The following PCDH15 variants were observed in gnomAD, a reference collection of about 807,000 sequenced individuals.
PCDH15 encodes protocadherin-15.
Under a neutral mutation model 178.5 loss-of-function variants are expected in PCDH15, and 129 were observed. The observed-to-expected ratio is 0.72, with a 90% CI of 0.63 to 0.84. The LOEUF (loss-of-function observed/expected upper bound fraction) is 0.84. Among genes scored for constraint, PCDH15 ranks in the 40% least tolerant of loss-of-function variants. The pLI, the probability that PCDH15 is intolerant of heterozygous loss-of-function variation, is 0.00. For missense variants in PCDH15, 2,230 were observed against 2,099.9 expected, an observed-to-expected ratio of 1.06 and a Z score of -1.21; for synonymous variants, 800 against 732.0, an observed-to-expected ratio of 1.09 and a Z score of -1.50.
At chr10:54,180,865 C>T (rs1321709884) in intron 13 of PCDH15, among the ~76,000 whole-genome samples, 1 of 152,114 alleles carries the variant, frequency 6.6e-6, no homozygotes, top group Non-Finnish European at 1.5e-5. Context: ...TCATAATCTG[C>T]ATAGTTCAGG....
intron 2 of PCDH15, among the ~76,000 whole-genome samples, chr10:54,971,801 T>G (rs574819131): frequency 6.6e-6 from 1 of 152,336 alleles, no homozygotes; most frequent in Non-Finnish European, 1.5e-5. Flanking sequence ...GAACTAAATA[T>G]TCCCATACGT....
At chr10:54,494,331 C>A (rs1243051972) in intron 3 of PCDH15, among the ~76,000 whole-genome samples, 1 of 152,094 alleles carries the variant, frequency 6.6e-6, no homozygotes, top group East Asian at 1.9e-4. Context: ...TTAGATAAGA[C>A]CCACAGATGG....
chr10:54,643,941 T>C lies in PCDH15; in HGVS notation c.91+20231A>G, dbSNP rs532082923. Among the ~76,000 whole-genome samples, 10 of 147,398 alleles carry C rather than the reference T, an allele frequency of 6.8e-5. No individual in the cohort carries two copies. The East Asian group carries it at 8.5e-4, about 13-fold the overall frequency. Reference sequence around the variant, plus strand: ...CATTAACTCGTCACTTAGCATTAGGTATATCTCCTAATGCTAACCCTCCCC... The same window carrying C: ...CATTAACTCGTCACTTAGCATTAGGCATATCTCCTAATGCTAACCCTCCCC... On this transcript the variant is annotated intron_variant, in intron 2 of 37. Coordinates refer to ENST00000644397, the MANE Select transcript of PCDH15 (RefSeq NM_001384140.1).
intron 8 of PCDH15, among the ~76,000 whole-genome samples, chr10:54,279,169 A>G (rs966986599): frequency 1.3e-5 from 2 of 151,486 alleles, no homozygotes; most frequent in East Asian, 1.9e-4. Flanking sequence ...AATAACACAA[A>G]TAAGTAAATA....
chr10:55,230,823 TA>T (rs1190605026), intron 1 of PCDH15, among the ~76,000 whole-genome samples: 3 of 152,096 alleles, frequency 2.0e-5, no homozygotes, highest in East Asian at 3.9e-4. Flanking sequence ...GTGAACAGTA[TA>T]ATTGGAGAAT....
chr10:54,870,110 A>T (rs1954010135), intron 3 of PCDH15, among the ~76,000 whole-genome samples: 1 of 152,236 alleles, frequency 6.6e-6, no homozygotes, highest in African/African-American at 2.4e-5. Context: ...TCTTGCAAAT[A>T]GTTGATTTCC....
intron 18 of PCDH15, among the ~76,000 whole-genome samples, chr10:54,053,527 C>T (rs936749727): frequency 6.6e-6 from 1 of 151,868 alleles, no homozygotes; most frequent in Non-Finnish European, 1.5e-5. Flanking sequence ...TAGAAAACAC[C>T]GAGGGTATAG....
At chr10:55,604,927 A>C (rs1180591769) in intron 2 of PCDH15, among the ~76,000 whole-genome samples, 1 of 151,510 alleles carries the variant, frequency 6.6e-6, no homozygotes, top group Non-Finnish European at 1.5e-5. Flanking sequence ...GAGACACAAA[A>C]AACCCTTCAA....
At chr10:53,822,908 T>A (rs1260044667) in intron 32 of PCDH15, 2 of 1,614,178 alleles carry the variant, frequency 1.2e-6, no homozygotes, top group Non-Finnish European at 1.7e-6. Context: ...CATTTTCAGC[T>A]TTCTGCCTGG....
At chr10:54,233,793 G>T (rs1055405717) in intron 9 of PCDH15, among the ~76,000 whole-genome samples, 1 of 152,110 alleles carries the variant, frequency 6.6e-6, no homozygotes, top group Non-Finnish European at 1.5e-5. Context: ...CCAGAAATAT[G>T]TTAAACTTTT....
chr10:55,521,908 A>G (rs976574762), intron 2 of PCDH15, among the ~76,000 whole-genome samples: 2 of 151,932 alleles, frequency 1.3e-5, no homozygotes, highest in South Asian at 2.1e-4. Context: ...ACCCAGCATC[A>G]TGAGAGAGTA....
intron 21 of PCDH15, among the ~76,000 whole-genome samples, chr10:53,962,319 T>C (rs1170193834): frequency 6.6e-6 from 1 of 152,130 alleles, no homozygotes; most frequent in Non-Finnish European, 1.5e-5. Context: ...CAAGTGTTCC[T>C]ATCCCACTTT....
intron 1 of PCDH15, among the ~76,000 whole-genome samples, chr10:54,734,629 G>C (rs373777245): frequency 1.2e-4 from 18 of 152,020 alleles, no homozygotes; most frequent in African/African-American, 4.3e-4. Context: ...TATTCATAAT[G>C]GTGAAAAATG....
At position 54,109,222 on chromosome 10, in the gene PCDH15, A is replaced by T. The variant is rs189804343; in HGVS notation, c.1918-19159T>A. ...AATAGAAGCATCATATGATCCAGAAATCTCACTTCTAGGTATAAACACAGA... is the reference window on the plus strand; with the variant it reads ...AATAGAAGCATCATATGATCCAGAATTCTCACTTCTAGGTATAAACACAGA... On this transcript the variant is annotated intron_variant, in intron 15 of 37. Coordinates refer to ENST00000644397, the MANE Select transcript of PCDH15 (RefSeq NM_001384140.1). Among the ~76,000 whole-genome samples, 87 of 152,276 alleles carry T rather than the reference A, an allele frequency of 5.7e-4. 1 individual carries two copies. The highest frequency in any genetic ancestry group is 1.9e-3 in the African/African-American group (81 of 41,558).
chr10:54,726,437 T>G (rs1423542378), intron 1 of PCDH15, among the ~76,000 whole-genome samples: 84 of 89,246 alleles, frequency 9.4e-4, no homozygotes, highest in East Asian at 1.5e-3. Flanking sequence ...TGTGTGTGTG[T>G]GTGTGTGTGT....
chr10:54,693,439 T>A (rs879769301), intron 1 of PCDH15, among the ~76,000 whole-genome samples: 6 of 152,178 alleles, frequency 3.9e-5, no homozygotes, highest in Non-Finnish European at 5.9e-5. Context: ...AATCACATTC[T>A]AAATTGACAA....
At chr10:53,985,912 T>C (rs77593038) in intron 21 of PCDH15, among the ~76,000 whole-genome samples, 1 of 152,152 alleles carries the variant, frequency 6.6e-6, no homozygotes, top group East Asian at 1.9e-4. Context: ...AGTTAATATA[T>C]ATTATTTACT....
At chr10:54,230,306 A>C (rs928195800) in intron 9 of PCDH15, among the ~76,000 whole-genome samples, 3 of 152,178 alleles carry the variant, frequency 2.0e-5, no homozygotes, top group African/African-American at 7.2e-5. Context: ...CTCAGCTATA[A>C]GTGTTCAGTT....
At chr10:55,548,210 G>GCACACA (rs200097115) in intron 2 of PCDH15, among the ~76,000 whole-genome samples, 36 of 121,286 alleles carry the variant, frequency 3.0e-4, no homozygotes, top group African/African-American at 4.7e-4. Context: ...AATGCCTAAT[G>GCACACA]CACACACACA....
Sources: allele counts gnomAD v4.1 joint callset (sites outside exome capture counted in the v4.1 genomes callset), GRCh38; gene constraint gnomAD v4.1.1; transcripts MANE v1.5; gene names NCBI Gene and HGNC (gene_info 2026-07-23, HGNC 2026-07-21).